Variants in CLEC19A observed in about 807,000 individuals in gnomAD.
The protein encoded by CLEC19A is C-type lectin domain containing 19A.
In CLEC19A, 21 loss-of-function variants were observed where a neutral mutation model predicts 26.1. The ratio of observed to expected loss-of-function variants is 0.80; its 90% confidence interval spans 0.57 to 1.16. The LOEUF is 1.16. Ranked by LOEUF, CLEC19A falls within the 50% of genes most tolerant of loss-of-function variation. The pLI is 0.00. For missense variants in CLEC19A, 224 were observed against 227.6 expected, an observed-to-expected ratio of 0.98 and a Z score of 0.10; for synonymous variants, 89 against 88.6, an observed-to-expected ratio of 1.00 and a Z score of -0.03.
chr16:19,286,691 C>A (rs1468640441), intron 1 of CLEC19A, among the ~76,000 whole-genome samples: 2 of 152,202 alleles, frequency 1.3e-5, no homozygotes, highest in Non-Finnish European at 2.9e-5. Context: ...TGACTGTCAC[C>A]TCTACCAGGT....
intron 1 of CLEC19A, among the ~76,000 whole-genome samples, chr16:19,296,368 A>C (rs1049522647): frequency 1.8e-4 from 26 of 146,458 alleles, no homozygotes; most frequent in African/African-American, 6.5e-4. Context: ...TTTACATTTG[A>C]TTTTGGGAAA....
intron 2 of CLEC19A, among the ~76,000 whole-genome samples, chr16:19,301,753 T>TG (rs1897836783): frequency 5.3e-5 from 7 of 132,254 alleles, no homozygotes; most frequent in South Asian, 2.5e-4. Flanking sequence ...TTTTTTTTTT[T>TG]TTTTTTTTTT....
At chr16:19,300,225 A>AAAATAAATAAAT (rs35246353) in intron 2 of CLEC19A, among the ~76,000 whole-genome samples, 5 of 150,894 alleles carry the variant, frequency 3.3e-5, no homozygotes, top group Admixed American at 2.7e-4. Context: ...TTCTGTCTCA[A>AAAATAAATAAAT]AAATAAATAA....
intron 3 of CLEC19A, among the ~76,000 whole-genome samples, chr16:19,305,565 T>C (rs1452965830): frequency 2.6e-5 from 4 of 152,160 alleles, no homozygotes; most frequent in Non-Finnish European, 4.4e-5. Context: ...GGAATAAGGT[T>C]CCAGTGCCAG....
intron 3 of CLEC19A, chr16:19,304,396 T>TAAAA (rs35007845): frequency 6.7e-4 from 132 of 196,614 alleles, no homozygotes; most frequent in Middle Eastern, 2.3e-3. Flanking sequence ...TGGGTTCTCT[T>TAAAA]AAAAAAAAAA....
At chr16:19,302,491 G>T (rs1197202449) in intron 2 of CLEC19A, among the ~76,000 whole-genome samples, 1 of 152,186 alleles carries the variant, frequency 6.6e-6, no homozygotes, top group Non-Finnish European at 1.5e-5. Flanking sequence ...GATACATGTT[G>T]TTGCAACACA....
chr16:19,306,544 T>G (rs1276804176), intron 3 of CLEC19A, among the ~76,000 whole-genome samples: 1 of 152,172 alleles, frequency 6.6e-6, no homozygotes, highest in Admixed American at 6.5e-5. Flanking sequence ...ACTCTAAAAT[T>G]GGATTATAAT....
chr16:19,307,677 G>T lies in CLEC19A; in HGVS notation c.481G>T (p.Ala161Ser). The T allele has an allele frequency of 1.3e-6, 2 of 1,548,164 alleles. No homozygotes were observed. The highest frequency in any genetic ancestry group is 8.7e-7 in the Non-Finnish European group (1 of 1,146,758). Residue 161 changes from alanine to serine, a missense_variant and splice_region_variant, in exon 4 of 5, where the codon GCT becomes TCT. Ala to Ser is a moderately conservative substitution (Grantham distance 99). Transcript: ENST00000636231. Reference protein sequence around the residue: ...CVQIWYRPTSALRSWNDNTCS... With the variant: ...CVQIWYRPTSSLRSWNDNTCS... Reference sequence around the variant, plus strand: ...GCAGATATGGTACAGGCCTACCAGTGGTGGGTACCCCTGAGACCAAGGCTC... The same window carrying T: ...GCAGATATGGTACAGGCCTACCAGTTGTGGGTACCCCTGAGACCAAGGCTC...
intron 1 of CLEC19A, among the ~76,000 whole-genome samples, chr16:19,289,469 C>A (rs1352494157): frequency 2.0e-5 from 3 of 152,110 alleles, no homozygotes; most frequent in Admixed American, 2.0e-4. Context: ...CTTTTAGAGG[C>A]GCTAGTCTGT....
intron 1 of CLEC19A, among the ~76,000 whole-genome samples, chr16:19,292,216 G>A (rs182826305): frequency 2.0e-5 from 3 of 152,156 alleles, no homozygotes; most frequent in South Asian, 2.1e-4. Flanking sequence ...TGTAGACCAG[G>A]GCTTCCCAGA....
At chr16:19,297,677 T>A (rs561225349) in intron 1 of CLEC19A, among the ~76,000 whole-genome samples, 1 of 152,262 alleles carries the variant, frequency 6.6e-6, no homozygotes, top group South Asian at 2.1e-4. Context: ...AAATGTATAA[T>A]GACATGGGGG....
chr16:19,304,184 T>C (rs1315105345), intron 3 of CLEC19A, 29 bp downstream of exon 3: 4 of 1,524,990 alleles, frequency 2.6e-6, no homozygotes, highest in Non-Finnish European at 3.6e-6. Context: ...TTGGGCCCCC[T>C]TGGAAGCTCC....
Position 19,307,577 on chromosome 16 carries a change from C to G in CLEC19A, c.381C>G (p.Ser127=), listed in dbSNP as rs867265990. ...EGQFEWTDGS[S]YDYSYWDGSQ... ...AGTTTGAATGGACTGATGGCTCATC[C>G]TATGACTACAGCTACTGGGATGGCA... Residue 127 remains serine (S), a synonymous_variant, in exon 4 of 5, where the codon TCC becomes TCG. Transcript: ENST00000636231. The G allele has an allele frequency of 1.3e-6, 2 of 1,548,276 alleles. No homozygotes were observed. Among genetic ancestry groups the G allele is most frequent in the African/African-American group, 2.7e-5 (2 of 73,086 alleles).
rs926278667 is a variant in CLEC19A at position 19,309,632 on chromosome 16, A to AT, written c.*560dup. ...ATTCCTGAAATTTGCTACGAGAGTA[A>AT]TTTTTTTTTTTGAGACAGAGTCTCA... On this transcript the variant is annotated 3_prime_UTR_variant, in exon 5 of 5. Coordinates refer to ENST00000636231, the MANE Select transcript of CLEC19A (RefSeq NM_001256720.2). The AT allele has an allele frequency of 1.3e-3, 186 of 148,630 alleles. No individual in the cohort carries two copies. The highest frequency in any genetic ancestry group is 3.3e-3 in the African/African-American group (134 of 40,590). The allele number at this position is 148,630 out of a possible 1,614,324, so 9.2% of individuals were successfully genotyped here.
intron 1 of CLEC19A, among the ~76,000 whole-genome samples, chr16:19,293,326 G>A (rs959484998): frequency 3.3e-5 from 5 of 152,094 alleles, no homozygotes; most frequent in African/African-American, 1.2e-4. Flanking sequence ...ACTGAGTAAC[G>A]TCTGGAGTTT....
At chr16:19,298,987 A>C (rs1390929190) in intron 2 of CLEC19A, 149 bp downstream of exon 2, 1 of 846,336 alleles carries the variant, frequency 1.2e-6, no homozygotes, top group Non-Finnish European at 1.8e-6. Flanking sequence ...TGCCCAGGCC[A>C]CTCTTGAACT....
At chr16:19,288,309 A>G (rs1897514463) in intron 1 of CLEC19A, among the ~76,000 whole-genome samples, 2 of 152,114 alleles carry the variant, frequency 1.3e-5, no homozygotes, top group Non-Finnish European at 2.9e-5. Context: ...GTGTGTTGGT[A>G]TGTTGTAGGG....
At chr16:19,295,236 T>G (rs1475025034) in intron 1 of CLEC19A, among the ~76,000 whole-genome samples, 1 of 152,106 alleles carries the variant, frequency 6.6e-6, no homozygotes, top group African/African-American at 2.4e-5. Flanking sequence ...GTCAGGGTCT[T>G]GCTCTATCGT....
chr16:19,285,838 T>C lies in CLEC19A; in HGVS notation c.-14T>C. ...CTCCACTCAGGCTGGGAGGTTGCTT[T>C]CTAGGAGCTCAGGATGCAAAGGTGG... On this transcript the variant is annotated 5_prime_UTR_variant, in exon 1 of 5. Coordinates refer to ENST00000636231, the MANE Select transcript of CLEC19A (RefSeq NM_001256720.2). The C allele has an allele frequency of 1.3e-6, 2 of 1,550,240 alleles. No individual in the cohort carries two copies. The highest frequency in any genetic ancestry group is 2.0e-5 in the Admixed American group (1 of 50,992).
Sources: gnomAD v4.1 joint callset for allele counts (sites outside exome capture counted in the v4.1 genomes callset) on GRCh38, gnomAD v4.1.1 for gene constraint, MANE v1.5 for transcripts, NCBI Gene and HGNC (gene_info 2026-07-23, HGNC 2026-07-21) for gene names.